SLC24A2: variants seen among roughly 807,000 people sequenced by gnomAD.
SLC24A2 encodes the protein solute carrier family 24 member 2, also known as sodium/potassium/calcium exchanger 2.
Under a neutral mutation model 62.0 loss-of-function variants are expected in SLC24A2, and 36 were observed. The observed-to-expected ratio is 0.58, with a 90% CI of 0.44 to 0.77. SLC24A2 has a LOEUF of 0.77. Ranked by LOEUF, SLC24A2 falls within the 30% of genes least tolerant of loss-of-function variation. The pLI, the probability that SLC24A2 is intolerant of heterozygous loss-of-function variation, is 0.00. For synonymous variants in SLC24A2, 358 were observed against 294.0 expected, an observed-to-expected ratio of 1.22 and a Z score of -2.23; for missense variants, 846 against 817.9, an observed-to-expected ratio of 1.03 and a Z score of -0.42.
chr9:19,635,150 T>C (rs1183423680), intron 2 of SLC24A2, among the ~76,000 whole-genome samples: 2 of 152,210 alleles, frequency 1.3e-5, no homozygotes, highest in Non-Finnish European at 2.9e-5. Flanking sequence ...ACTGCGTTAC[T>C]GTCAAATGAA....
chr9:19,828,474 TAAAAC>T, the SLC24A2 span, among the ~76,000 whole-genome samples: 3 of 152,046 alleles, frequency 2.0e-5, no homozygotes, highest in Non-Finnish European at 4.4e-5. Flanking sequence ...TAAGAATAAA[TAAAAC>T]AAACCAAAAG....
At chr9:19,935,087 TCTCCC>T in the SLC24A2 span, among the ~76,000 whole-genome samples, 1 of 152,006 alleles carries the variant, frequency 6.6e-6, no homozygotes, top group Admixed American at 6.5e-5. Flanking sequence ...TGTTGTTGGT[TCTCCC>T]TTTAGTCACG....
the SLC24A2 span, among the ~76,000 whole-genome samples, chr9:20,139,223 A>G: frequency 1.3e-5 from 2 of 152,136 alleles, no homozygotes; most frequent in African/African-American, 2.4e-5. Context: ...ACTGTCTATT[A>G]TGTAGTGATT....
intron 5 of SLC24A2, among the ~76,000 whole-genome samples, chr9:19,583,693 G>A (rs1386336975): frequency 6.6e-6 from 1 of 152,118 alleles, no homozygotes; most frequent in Admixed American, 6.5e-5. Context: ...GGGGCCCCAG[G>A]AACTTTCTAG....
the SLC24A2 span, among the ~76,000 whole-genome samples, chr9:20,037,811 T>A: frequency 6.6e-6 from 1 of 152,148 alleles, no homozygotes; most frequent in African/African-American, 2.4e-5. Flanking sequence ...AAATGGCCTC[T>A]AGTAGGTGGG....
chr9:19,713,418 CCTT>C (rs568174809), intron 2 of SLC24A2, among the ~76,000 whole-genome samples: 9 of 152,226 alleles, frequency 5.9e-5, no homozygotes, highest in East Asian at 3.9e-4. Context: ...CTTTTACTGA[CCTT>C]CTCTAAAATT....
the SLC24A2 span, among the ~76,000 whole-genome samples, chr9:19,831,621 A>C: frequency 6.6e-6 from 1 of 152,200 alleles, no homozygotes; most frequent in Non-Finnish European, 1.5e-5. Context: ...TCCCCAACAG[A>C]ATTTTTAAAA....
At chr9:19,732,967 A>T (rs1587237392) in intron 2 of SLC24A2, among the ~76,000 whole-genome samples, 2 of 152,176 alleles carry the variant, frequency 1.3e-5, no homozygotes, top group East Asian at 3.9e-4. Flanking sequence ...ATAAATGAGT[A>T]ATAGCTAGAG....
chr9:19,629,876 G>A (rs1818133956), intron 2 of SLC24A2, among the ~76,000 whole-genome samples: 1 of 152,112 alleles, frequency 6.6e-6, no homozygotes, highest in African/African-American at 2.4e-5. Flanking sequence ...AGTGTGAATG[G>A]CAAGTTTTGA....
chr9:20,058,522 A>AC, the SLC24A2 span, among the ~76,000 whole-genome samples: 1 of 115,532 alleles, frequency 8.7e-6, no homozygotes, highest in Admixed American at 8.3e-5. Flanking sequence ...CACACACACA[A>AC]ATATTTGGGA....
the SLC24A2 span, among the ~76,000 whole-genome samples, chr9:19,881,773 A>G: frequency 1.3e-5 from 2 of 152,336 alleles, no homozygotes; most frequent in East Asian, 3.9e-4. Flanking sequence ...GTCTTATTAC[A>G]AGCTAAGTCA....
At chr9:20,098,524 C>T in the SLC24A2 span, among the ~76,000 whole-genome samples, 2 of 152,142 alleles carry the variant, frequency 1.3e-5, no homozygotes, top group East Asian at 3.8e-4. Context: ...GTCCTTTTGA[C>T]CAAAGAGGAA....
the SLC24A2 span, among the ~76,000 whole-genome samples, chr9:20,230,638 T>G: frequency 6.6e-6 from 1 of 152,218 alleles, no homozygotes; most frequent in African/African-American, 2.4e-5. Flanking sequence ...TATTAGCCCT[T>G]TGTCAGACGA....
At chr9:19,882,958 G>A in the SLC24A2 span, among the ~76,000 whole-genome samples, 1 of 152,192 alleles carries the variant, frequency 6.6e-6, no homozygotes, top group Non-Finnish European at 1.5e-5. Flanking sequence ...TGCACTGTAA[G>A]AGAATCTGAC....
the SLC24A2 span, among the ~76,000 whole-genome samples, chr9:19,857,002 C>A: frequency 1.3e-5 from 2 of 152,092 alleles, no homozygotes; most frequent in Non-Finnish European, 2.9e-5. Flanking sequence ...AGTAAAATTG[C>A]TGGGTTGTAT....
intron 2 of SLC24A2, among the ~76,000 whole-genome samples, chr9:19,710,375 CA>C (rs1820678996): frequency 6.6e-6 from 1 of 152,142 alleles, no homozygotes; most frequent in African/African-American, 2.4e-5. Flanking sequence ...CCCGGTATCA[CA>C]GGGGCAAATA....
At chr9:19,851,009 A>G in the SLC24A2 span, among the ~76,000 whole-genome samples, 19 of 41,664 alleles carry the variant, frequency 4.6e-4, 1 homozygote, top group Admixed American at 1.2e-3. Context: ...ATACACATAC[A>G]TATATATATA....
At chr9:20,096,092 C>T in the SLC24A2 span, among the ~76,000 whole-genome samples, 3 of 124,666 alleles carry the variant, frequency 2.4e-5, no homozygotes, top group Middle Eastern at 4.5e-3. Context: ...TCCATCCGTC[C>T]GTCCGTCCGT....
At chr9:19,812,361 T>C in the SLC24A2 span, among the ~76,000 whole-genome samples, 5 of 152,252 alleles carry the variant, frequency 3.3e-5, no homozygotes, top group East Asian at 9.7e-4. Flanking sequence ...TTTTATATCC[T>C]GTTTTCTCTT....
Sources: gnomAD v4.1 joint callset for allele counts (sites outside exome capture counted in the v4.1 genomes callset) on GRCh38, gnomAD v4.1.1 for gene constraint, MANE v1.5 for transcripts, NCBI Gene and HGNC (gene_info 2026-07-23, HGNC 2026-07-21) for gene names.